Variants in CYLD observed in about 807,000 individuals in gnomAD.
CYLD encodes ubiquitin carboxyl-terminal hydrolase CYLD.
Under a neutral mutation model 104.5 loss-of-function variants are expected in CYLD, and 26 were observed. That is an observed-to-expected ratio of 0.25 (90% CI 0.18 to 0.35). The LOEUF (loss-of-function observed/expected upper bound fraction) is 0.35, where lower values mean the gene tolerates loss of function less well. Ranked by LOEUF, CYLD falls within the 10% of genes least tolerant of loss-of-function variation. The pLI, the probability that CYLD is intolerant of heterozygous loss-of-function variation, is 1.00. For synonymous variants in CYLD, 385 were observed against 399.9 expected, an observed-to-expected ratio of 0.96 and a Z score of 0.45; for missense variants, 703 against 1,136.1, an observed-to-expected ratio of 0.62 and a Z score of 5.48.
At chr16:50,783,982 C>G (rs540565851) in intron 11 of CYLD, 21 of 309,700 alleles carry the variant, frequency 6.8e-5, no homozygotes, top group African/African-American at 4.1e-4. Context: ...CCTCTGTTGT[C>G]TGTTTGTAAT....
rs983846670 is a variant in CYLD, at chr16:50,760,889, T to C, written c.913+6465T>C. On this transcript the variant is annotated intron_variant, in intron 5 of 18. Transcript: ENST00000427738. ...TGTTAATTGCCTTCAGTCGTAGATA[T>C]AACAATTTATATTCCTGCCAGTAGA... 2.6e-5 allele frequency among the ~76,000 whole-genome samples: 4 copies of C among 152,224 alleles called. No individual in the cohort carries two copies. In the East Asian group the frequency reaches 7.7e-4, roughly 29 times the overall value.
At chr16:50,786,071 A>C (rs1970785290) in intron 12 of CYLD, 1 of 152,228 alleles carries the variant, frequency 6.6e-6, no homozygotes, top group Non-Finnish European at 1.5e-5. Context: ...TGTGTCTTGC[A>C]TTCAGACAAA....
rs752862278 is a variant in CYLD at position 50,799,737 on chromosome 16, C to T, written c.*3229C>T. ...CCTGCTTGTTTGAACATGGCATCTT[C>T]ATAGATTCAGGATTCACTACCCTCT... is the stretch of plus-strand genomic sequence containing the variant. On this transcript the variant is annotated 3_prime_UTR_variant, in exon 19 of 19. Coordinates refer to ENST00000427738, the MANE Select transcript of CYLD (RefSeq NM_001378743.1). The T allele has an allele frequency of 1.3e-4, 31 of 233,162 alleles. No individual in the cohort carries two copies. The highest frequency in any genetic ancestry group is 2.2e-4 in the Non-Finnish European group (26 of 117,968). 14.4% of individuals were successfully genotyped at this position (233,162 alleles called of 1,614,324 possible).
At chr16:50,755,062 T>C (rs373016289) in intron 5 of CYLD, among the ~76,000 whole-genome samples, 1 of 57,906 alleles carries the variant, frequency 1.7e-5, no homozygotes, top group African/African-American at 7.2e-5. Context: ...TATATATACA[T>C]ATAGATATGT....
intron 5 of CYLD, among the ~76,000 whole-genome samples, chr16:50,754,894 T>C (rs562552870): frequency 3.3e-5 from 5 of 149,956 alleles, no homozygotes; most frequent in East Asian, 2.0e-4. Context: ...TATACGCATA[T>C]ATACATATAC....
At chr16:50,749,165 G>A (rs190900725) in intron 2 of CYLD, among the ~76,000 whole-genome samples, 35 of 152,150 alleles carry the variant, frequency 2.3e-4, no homozygotes, top group Admixed American at 3.9e-4. Flanking sequence ...TTGTGCCACT[G>A]CAGTCCAGCA....
intron 5 of CYLD, among the ~76,000 whole-genome samples, chr16:50,755,842 G>T (rs1406467500): frequency 6.6e-6 from 1 of 151,952 alleles, no homozygotes; most frequent in African/African-American, 2.4e-5. Context: ...TATTTCTTTT[G>T]CTGTGTAGAA....
At chr16:50,755,106 CACA>C (rs1567426984) in intron 5 of CYLD, among the ~76,000 whole-genome samples, 2 of 41,382 alleles carry the variant, frequency 4.8e-5, no homozygotes, top group African/African-American at 3.3e-4. Flanking sequence ...TACATATATA[CACA>C]CATATACACA....
At chr16:50,746,078 C>G (rs1966169037) in intron 2 of CYLD, among the ~76,000 whole-genome samples, 1 of 152,016 alleles carries the variant, frequency 6.6e-6, no homozygotes, top group Non-Finnish European at 1.5e-5. Flanking sequence ...TGCTTTTTCA[C>G]CCAGGCTGAA....
chr16:50,794,702 C>T lies in CYLD; in HGVS notation c.2686+274C>T, dbSNP rs1315493866. The T allele has an allele frequency of 2.3e-6, 1 of 444,236 alleles. No homozygotes were observed. The highest frequency in any genetic ancestry group is 4.8e-5 in the East Asian group (1 of 20,996). The allele number at this position is 444,236 out of a possible 1,614,324, so 27.5% of individuals were successfully genotyped here. A position where few individuals can be genotyped will look rare whatever the true frequency, so the allele number is the denominator to read the frequency against. On this transcript the variant is annotated intron_variant, in intron 18 of 18. Transcript: ENST00000427738. The surrounding 1 kb of genome is among the most constrained non-coding windows in gnomAD (Gnocchi z 4.1). The stretch of plus-strand genomic sequence containing the variant: ...GCAGCGTGATCTTGGCTCATTGCAA[C>T]CTCCACCTCTCAGGTTCAAGCAATC...
chr16:50,787,529 C>A, intron 13 of CYLD: 1 of 397,508 alleles, frequency 2.5e-6, no homozygotes, highest in South Asian at 2.7e-5. Context: ...ACAGCTATTT[C>A]ATTATGTGCA....
At chr16:50,775,404 A>G (rs1340100021) in intron 6 of CYLD, among the ~76,000 whole-genome samples, 2 of 152,104 alleles carry the variant, frequency 1.3e-5, no homozygotes, top group Non-Finnish European at 2.9e-5. Context: ...CAAATATATT[A>G]TTGTTGTGTG....
At chr16:50,763,002 A>T (rs948890400) in intron 5 of CYLD, among the ~76,000 whole-genome samples, 6 of 152,128 alleles carry the variant, frequency 3.9e-5, no homozygotes, top group African/African-American at 1.4e-4. Flanking sequence ...GAAACGCTGC[A>T]CCCCTTAGTG....
At chr16:50,776,941 T>C (rs1041713612) in intron 7 of CYLD, among the ~76,000 whole-genome samples, 4 of 152,198 alleles carry the variant, frequency 2.6e-5, no homozygotes, top group African/African-American at 4.8e-5. Flanking sequence ...TTATGTGACA[T>C]TGGGGCCTGG....
rs997638474 is a variant in CYLD, at chr16:50,749,644, C to G, written c.-55C>G. The G allele has an allele frequency of 1.3e-6, 2 of 1,576,672 alleles. No homozygotes were observed. The highest frequency in any genetic ancestry group is 2.7e-5 in the African/African-American group (2 of 74,296). ...GAATTTATCTTTTGCGGTTTTATGACAAAGTTATTAGTAGTTTCCCTTTTT... is the reference window on the plus strand; with the variant it reads ...GAATTTATCTTTTGCGGTTTTATGAGAAAGTTATTAGTAGTTTCCCTTTTT... On this transcript the variant is annotated 5_prime_UTR_variant, in exon 3 of 19. Transcript: ENST00000427738.
In CYLD at chr16:50,801,012, G is replaced by C. The variant is rs924195596; in HGVS notation, c.*4504G>C. 4.3e-6 allele frequency: 1 copy of C among 233,442 alleles called. No individual in the cohort carries two copies. Among genetic ancestry groups the C allele is most frequent in the African/African-American group, 2.2e-5 (1 of 45,356 alleles). 14.5% of individuals were successfully genotyped at this position (233,442 alleles called of 1,614,324 possible). On this transcript the variant is annotated 3_prime_UTR_variant, in exon 19 of 19. Transcript: ENST00000427738. The stretch of plus-strand genomic sequence containing the variant: ...GACCAGGATTCTGCGGGTGTCAGGG[G>C]ATTGCCCCTCTTGACAGAGACTAGG...
intron 5 of CYLD, among the ~76,000 whole-genome samples, chr16:50,764,080 ACTTTGCTT>A (rs1237456900): frequency 6.6e-6 from 1 of 152,100 alleles, no homozygotes; most frequent in Non-Finnish European, 1.5e-5. Context: ...CATGATTCAT[ACTTTGCTT>A]GGTCCAGTTT....
intron 5 of CYLD, among the ~76,000 whole-genome samples, chr16:50,758,492 C>T (rs1967527925): frequency 1.3e-5 from 2 of 152,150 alleles, no homozygotes; most frequent in African/African-American, 2.4e-5. Flanking sequence ...TTTAAATGAT[C>T]TCTCTGGCTG....
At chr16:50,755,015 GTATATATACATA>G (rs1567426474) in intron 5 of CYLD, among the ~76,000 whole-genome samples, 309 of 8,362 alleles carry the variant, frequency 0.037, 34 homozygotes, top group African/African-American at 0.19. Context: ...ACATATATAT[GTATATATACATA>G]TATATGTATA....
Sources: gnomAD v4.1 joint callset for allele counts (sites outside exome capture counted in the v4.1 genomes callset) on GRCh38, gnomAD v4.1.1 for gene constraint, Gnocchi (gnomAD v3.1) non-coding constraint, MANE v1.5 for transcripts, NCBI Gene and HGNC (gene_info 2026-07-23, HGNC 2026-07-21) for gene names.